Variants in RAB6B observed in about 807,000 individuals in gnomAD.
The protein encoded by RAB6B is RAB6B, member RAS oncogene family.
A neutral mutation model predicts 31.2 loss-of-function variants in RAB6B; 7 were observed. That is an observed-to-expected ratio of 0.22 (90% CI 0.13 to 0.42). RAB6B has a LOEUF of 0.42. Among genes scored for constraint, RAB6B ranks in the 10% least tolerant of loss-of-function variants. RAB6B has a pLI of 1.00. For missense variants in RAB6B, 149 were observed against 280.6 expected (o/e 0.53, Z 3.35); for synonymous variants, 105 against 104.9 (o/e 1.00, Z -0.01).
At chr3:133,893,471 G>A (rs1936665144) in intron 1 of RAB6B, among the ~76,000 whole-genome samples, 1 of 152,136 alleles carries the variant, frequency 6.6e-6, no homozygotes, top group African/African-American at 2.4e-5. Flanking sequence ...GGGGGTCTGT[G>A]GAGCCCAGCA....
chr3:133,895,461 G>T lies in RAB6B; in HGVS notation c.6C>A (p.Ser2=). The stretch of plus-strand genomic sequence containing the variant: ...GTGGATTCCCAAAATCTCCCCCTGC[G>T]GACATGGTGCTGGCAGCCGGGGCCG... The part of the protein sequence containing the change: M[S]AGGDFGNPLR... Residue 2 remains serine, a synonymous_variant, in exon 1 of 8, where the codon TCC becomes TCA. Coordinates refer to ENST00000285208, the MANE Select transcript of RAB6B (RefSeq NM_016577.4). 6.2e-7 allele frequency: 1 copy of T among 1,611,136 alleles called. No homozygotes were observed. The highest frequency in any genetic ancestry group is 8.5e-7 in the Non-Finnish European group (1 of 1,178,686).
chr3:133,872,083 G>A (rs1324328709), intron 1 of RAB6B, among the ~76,000 whole-genome samples: 2 of 152,214 alleles, frequency 1.3e-5, no homozygotes, highest in East Asian at 1.9e-4. Context: ...CCTGAGCCAG[G>A]AAAAGAATCT....
At chr3:133,865,925 G>A (rs539638503) in intron 1 of RAB6B, among the ~76,000 whole-genome samples, 62 of 152,362 alleles carry the variant, frequency 4.1e-4, no homozygotes, top group African/African-American at 1.3e-3. Context: ...GACTGACTGT[G>A]TTTGGGCTAA....
chr3:133,848,130 G>C (rs1436088021), intron 2 of RAB6B, among the ~76,000 whole-genome samples: 1 of 152,148 alleles, frequency 6.6e-6, no homozygotes, highest in Non-Finnish European at 1.5e-5. Flanking sequence ...ATTCCAAAAA[G>C]AGCCTATCAT....
chr3:133,859,688 T>C (rs893791735), intron 2 of RAB6B, among the ~76,000 whole-genome samples: 11 of 152,212 alleles, frequency 7.2e-5, no homozygotes, highest in Non-Finnish European at 1.0e-4. Flanking sequence ...GAATAAAGCA[T>C]AGCCTTCCAT....
chr3:133,882,785 C>A (rs1936486654), intron 1 of RAB6B, among the ~76,000 whole-genome samples: 1 of 152,116 alleles, frequency 6.6e-6, no homozygotes, highest in South Asian at 2.1e-4. Flanking sequence ...GAGCTGAGTT[C>A]TTCTGGCCCA....
At chr3:133,845,450 T>A (rs1418527598) in intron 2 of RAB6B, among the ~76,000 whole-genome samples, 1 of 152,214 alleles carries the variant, frequency 6.6e-6, no homozygotes, top group Non-Finnish European at 1.5e-5. Context: ...GAGCAAGTCC[T>A]CACCAGATGC....
chr3:133,827,969 G>C lies in RAB6B; in HGVS notation c.*819C>G, dbSNP rs1363767980. 8.5e-6 allele frequency: 6 copies of C among 702,934 alleles called. No homozygotes were observed. The highest frequency in any genetic ancestry group is 1.3e-5 in the Non-Finnish European group (5 of 384,986). 43.5% of individuals were successfully genotyped at this position (702,934 alleles called of 1,614,324 possible). A position where few individuals can be genotyped will look rare whatever the true frequency, so the allele number is the denominator to read the frequency against. On this transcript the variant is annotated 3_prime_UTR_variant, in exon 8 of 8. Coordinates refer to ENST00000285208, the MANE Select transcript of RAB6B (RefSeq NM_016577.4). ...TCTATAAACCACGCACCACGCAGCTGCAATTGCCAACAGCACCTCGTCCTT... is the reference window on the plus strand; with the variant it reads ...TCTATAAACCACGCACCACGCAGCTCCAATTGCCAACAGCACCTCGTCCTT...
intron 1 of RAB6B, among the ~76,000 whole-genome samples, chr3:133,868,751 T>C (rs1362844619): frequency 1.3e-5 from 2 of 152,216 alleles, no homozygotes; most frequent in Non-Finnish European, 2.9e-5. Context: ...GAAAATTCAT[T>C]ACTGAGCATT....
At position 133,871,540 on chromosome 3, in the gene RAB6B, C is replaced by T. The variant is rs57867248; in HGVS notation, c.71-6898G>A. Among the ~76,000 whole-genome samples, 1,497 of 152,346 alleles carry T rather than the reference C, an allele frequency of 9.8e-3. 27 individuals carry two copies. The highest frequency in any genetic ancestry group is 0.034 in the African/African-American group (1,421 of 41,568). On this transcript the variant is annotated intron_variant, in intron 1 of 7. Transcript: ENST00000285208. ...GCTTTGGGGCCAGTGGCTATGAGGA[C>T]TTCTGGTCTTGTCTTGTGCCCACAT...
intron 2 of RAB6B, among the ~76,000 whole-genome samples, chr3:133,861,776 G>T (rs1222406437): frequency 6.6e-6 from 1 of 152,134 alleles, no homozygotes; most frequent in Non-Finnish European, 1.5e-5. Flanking sequence ...GGGAAGGAGG[G>T]GTAGATTCCA....
intron 1 of RAB6B, among the ~76,000 whole-genome samples, chr3:133,889,405 T>C (rs1307371977): frequency 0.012 from 429 of 37,006 alleles, 17 homozygotes; most frequent in Middle Eastern, 0.053. Flanking sequence ...TATATATATA[T>C]ATATATATAT....
chr3:133,869,941 C>T (rs569405075), intron 1 of RAB6B, among the ~76,000 whole-genome samples: 1 of 152,196 alleles, frequency 6.6e-6, no homozygotes, highest in African/African-American at 2.4e-5. Context: ...AATTCGTGAG[C>T]GATGTAAATA....
At chr3:133,893,215 C>T (rs1283392000) in intron 1 of RAB6B, among the ~76,000 whole-genome samples, 3 of 152,230 alleles carry the variant, frequency 2.0e-5, no homozygotes, top group Admixed American at 2.0e-4. Context: ...GGGAGGCTCC[C>T]CAGTTGTTGG....
intron 1 of RAB6B, among the ~76,000 whole-genome samples, chr3:133,886,407 C>T (rs1312389143): frequency 1.3e-5 from 2 of 152,206 alleles, no homozygotes; most frequent in African/African-American, 4.8e-5. Flanking sequence ...GCTGCAAAGC[C>T]TCTGCCCTTA....
At chr3:133,867,937 G>A (rs1936259926) in intron 1 of RAB6B, among the ~76,000 whole-genome samples, 1 of 152,120 alleles carries the variant, frequency 6.6e-6, no homozygotes, top group African/African-American at 2.4e-5. Context: ...AGCCCGCTAA[G>A]ACTACCCATG....
chr3:133,835,093 G>A (rs895928293), intron 6 of RAB6B, among the ~76,000 whole-genome samples: 3 of 152,206 alleles, frequency 2.0e-5, no homozygotes, highest in African/African-American at 4.8e-5. Context: ...CTGCAGGTCC[G>A]GCGCCAAGGC....
At chr3:133,839,122 GCAGACACTTCACAGGCA>G (rs1387136499) in intron 5 of RAB6B, among the ~76,000 whole-genome samples, 5 of 152,362 alleles carry the variant, frequency 3.3e-5, no homozygotes, top group Non-Finnish European at 7.3e-5. Flanking sequence ...GCACATTGGT[GCAGACACTTCACAGGCA>G]CAGACAGTTC....
chr3:133,885,098 C>A (rs966163300), intron 1 of RAB6B, among the ~76,000 whole-genome samples: 2 of 151,260 alleles, frequency 1.3e-5, no homozygotes, highest in Non-Finnish European at 2.9e-5. Context: ...ATGGGGGACT[C>A]ACACACCCAA....
Sources: gnomAD v4.1 joint callset for allele counts (sites outside exome capture counted in the v4.1 genomes callset) on GRCh38, gnomAD v4.1.1 for gene constraint, MANE v1.5 for transcripts, NCBI Gene and HGNC (gene_info 2026-07-23, HGNC 2026-07-21) for gene names.